The following PPP2R5C variants were observed in gnomAD, a reference collection of about 807,000 sequenced individuals.
PPP2R5C encodes protein phosphatase 2 regulatory subunit B'gamma.
A neutral mutation model predicts 68.9 loss-of-function variants in PPP2R5C; 7 were observed. The ratio of observed to expected loss-of-function variants is 0.10; its 90% CI spans 0.06 to 0.19. The LOEUF (loss-of-function observed/expected upper bound fraction) is 0.19. Ranked by LOEUF, PPP2R5C falls within the 10% of genes least tolerant of loss-of-function variation. The probability of loss-of-function intolerance (pLI) is 1.00; values close to 1 mark genes in which losing one functional copy is unlikely to be tolerated. For synonymous variants in PPP2R5C, 210 were observed against 222.2 expected, an observed-to-expected ratio of 0.95 and a Z score of 0.49; for missense variants, 348 against 641.3, an observed-to-expected ratio of 0.54 and a Z score of 4.94.
chr14:101,923,704 A>G (rs1164250726), intron 13 of PPP2R5C, among the ~76,000 whole-genome samples: 1 of 152,226 alleles, frequency 6.6e-6, no homozygotes, highest in Admixed American at 6.5e-5. Flanking sequence ...AAATAATCCT[A>G]AAGTGATGTG....
rs28760307 is a variant in PPP2R5C at position 101,911,608 on chromosome 14, C to T, written c.1254-793C>T. 2.2e-3 allele frequency among the ~76,000 whole-genome samples: 335 copies of T among 152,204 alleles called. 2 individuals are homozygous for T. Among genetic ancestry groups the T allele is most frequent in the African/African-American group, 7.2e-3 (298 of 41,518 alleles). ...TTGAAAAACTTGGATCCTGGCCGGG[C>T]GCAGTGGCTCACACCTGTAATCCCA... On this transcript the variant is annotated intron_variant, in intron 11 of 13. Transcript: ENST00000334743.
At position 101,812,416 on chromosome 14, in the gene PPP2R5C, C is replaced by T. The variant is rs140043819; in HGVS notation, c.94+2380C>T. The stretch of plus-strand genomic sequence containing the variant: ...TGCTCACTCGGATGGGGTGGGCATG[C>T]GCTGTCCTTCCCGTTTATTTAGGAA... On this transcript the variant is annotated intron_variant, in intron 1 of 13. Transcript: ENST00000334743. Among the ~76,000 whole-genome samples, 8 of 152,268 alleles carry T rather than the reference C, an allele frequency of 5.3e-5. No individual in the cohort carries two copies. The East Asian group carries it at 7.7e-4, about 15-fold the overall frequency.
chr14:101,885,411 G>A (rs891614198), intron 5 of PPP2R5C, among the ~76,000 whole-genome samples: 4 of 149,618 alleles, frequency 2.7e-5, no homozygotes, highest in Middle Eastern at 3.4e-3. Context: ...CTCCCATCCC[G>A]TGCCGGCTTG....
At position 101,781,105 on chromosome 14, in the gene PPP2R5C, C is replaced by T. The variant is rs908690356; in HGVS notation, c.94-4913C>T. Among the ~76,000 whole-genome samples, 2 of 152,176 alleles carry T rather than the reference C, an allele frequency of 1.3e-5. No individual in the cohort carries two copies. Among genetic ancestry groups the T allele is most frequent in the African/African-American group, 2.4e-5 (1 of 41,442 alleles). The stretch of plus-strand genomic sequence containing the variant: ...TCCAGCTACAGGTGCCTTGCGGTGC[C>T]GCCACTGGAGGAGTCTTTGCAGGTT... On this transcript the variant is annotated intron_variant, in intron 2 of 14. Transcript: ENST00000328724. This position sits in a 1 kb window ranked among gnomAD's most constrained non-coding sequence, Gnocchi z 6.4.
At chr14:101,908,991 T>G (rs2046233535) in intron 10 of PPP2R5C, among the ~76,000 whole-genome samples, 1 of 152,212 alleles carries the variant, frequency 6.6e-6, no homozygotes, top group Admixed American at 6.5e-5. Flanking sequence ...CTTTCGCTGG[T>G]GTCTGCTGGG....
chr14:101,824,953 G>A (rs1308334971), intron 1 of PPP2R5C: 4 of 152,572 alleles, frequency 2.6e-5, no homozygotes, highest in African/African-American at 9.6e-5. Context: ...TTGCACTGTG[G>A]TGAGAAAATT....
intron 2 of PPP2R5C, among the ~76,000 whole-genome samples, chr14:101,867,642 G>A (rs1241917574): frequency 6.6e-6 from 1 of 151,940 alleles, no homozygotes; most frequent in Non-Finnish European, 1.5e-5. Flanking sequence ...GCCAGGCATG[G>A]TGGCGGGCAC....
At chr14:101,864,574 C>G (rs146787214) in intron 2 of PPP2R5C, among the ~76,000 whole-genome samples, 1,656 of 152,304 alleles carry the variant, frequency 0.011, 93 homozygotes, top group Admixed American at 0.092. Context: ...GAGGCCTAAC[C>G]CCTTGCCTGG....
intron 2 of PPP2R5C, among the ~76,000 whole-genome samples, chr14:101,871,486 G>A (rs1462274344): frequency 6.6e-6 from 1 of 152,004 alleles, no homozygotes; most frequent in African/African-American, 2.4e-5. Flanking sequence ...CTCGTGATCT[G>A]CCCTCCTCGG....
intron 1 of PPP2R5C, among the ~76,000 whole-genome samples, chr14:101,833,180 C>T (rs1022506073): frequency 2.0e-5 from 3 of 152,228 alleles, no homozygotes; most frequent in Non-Finnish European, 2.9e-5. Flanking sequence ...TTTACTCTCA[C>T]GCCAAGCCGC....
chr14:101,890,407 C>G, intron 6 of PPP2R5C, 111 bp downstream of exon 8: 1 of 1,023,460 alleles, frequency 9.8e-7, no homozygotes, highest in Non-Finnish European at 1.4e-6. Context: ...AAACCATTCT[C>G]TAAAAGAATT....
intron 1 of PPP2R5C, among the ~76,000 whole-genome samples, chr14:101,812,442 G>A (rs746762975): frequency 2.0e-5 from 3 of 152,222 alleles, no homozygotes; most frequent in Non-Finnish European, 4.4e-5. Flanking sequence ...TATTTAGGAA[G>A]GAGGGGTCTT....
intron 2 of PPP2R5C, among the ~76,000 whole-genome samples, chr14:101,863,759 G>C (rs376290088): frequency 6.6e-6 from 1 of 152,102 alleles, no homozygotes; most frequent in East Asian, 1.9e-4. Flanking sequence ...TTAGCTGGGC[G>C]TGGTGGCAGG....
intron 13 of PPP2R5C, among the ~76,000 whole-genome samples, chr14:101,920,939 T>G (rs2046964780): frequency 6.6e-6 from 1 of 151,938 alleles, no homozygotes; most frequent in African/African-American, 2.4e-5. Flanking sequence ...CCTGACTCCT[T>G]GTAGATTTCT....
At chr14:101,875,813 C>T (rs374917638) in intron 2 of PPP2R5C, among the ~76,000 whole-genome samples, 34 of 152,286 alleles carry the variant, frequency 2.2e-4, no homozygotes, top group African/African-American at 7.2e-4. Context: ...TGCGAAGTTC[C>T]ATCTTTGTAA....
intron 1 of PPP2R5C, chr14:101,836,092 G>T (rs2041075915): frequency 1.6e-6 from 1 of 631,900 alleles, no homozygotes; most frequent in Admixed American, 2.8e-5. Context: ...ATTACTTAAG[G>T]AAATTCCTCA....
At chr14:101,818,691 C>T (rs1206775638) in intron 1 of PPP2R5C, 15 of 222,456 alleles carry the variant, frequency 6.7e-5, no homozygotes, top group South Asian at 3.4e-4. Context: ...GGTGGCTTTC[C>T]GTGTCATTTC....
chr14:101,787,128 T>C (rs939658291), intron 3 of PPP2R5C, among the ~76,000 whole-genome samples: 2 of 152,190 alleles, frequency 1.3e-5, no homozygotes, highest in Non-Finnish European at 2.9e-5. Context: ...CACACACCTG[T>C]GGTCCCGGCT....
chr14:101,763,830 A>C (rs1441447394), intron 2 of PPP2R5C, among the ~76,000 whole-genome samples: 1 of 152,238 alleles, frequency 6.6e-6, no homozygotes, highest in Non-Finnish European at 1.5e-5. Flanking sequence ...GCTGCCAGGC[A>C]ACTCAGTGGT....
Sources: gnomAD v4.1 joint callset for allele counts (sites outside exome capture counted in the v4.1 genomes callset) on GRCh38, gnomAD v4.1.1 for gene constraint, Gnocchi (gnomAD v3.1) non-coding constraint, MANE v1.5 for transcripts, NCBI Gene and HGNC (gene_info 2026-07-23, HGNC 2026-07-21) for gene names.